The following APCDD1L variants were observed in gnomAD, a reference collection of about 807,000 sequenced individuals.
APCDD1L encodes APC down-regulated 1 like.
In APCDD1L, 21 loss-of-function variants were observed where a neutral mutation model predicts 24.2. The observed-to-expected ratio is 0.87, with a 90% confidence interval of 0.61 to 1.25. The LOEUF (loss-of-function observed/expected upper bound fraction) is 1.25. APCDD1L is among the 50% of genes most tolerant of loss of function. APCDD1L has a pLI of 0.00. For missense variants in APCDD1L, 704 were observed against 711.7 expected (o/e 0.99, Z 0.12); for synonymous variants, 321 against 323.6 (o/e 0.99, Z 0.09).
At chr20:58,496,493 G>A (rs1990325087) in intron 1 of APCDD1L, among the ~76,000 whole-genome samples, 1 of 152,258 alleles carries the variant, frequency 6.6e-6, no homozygotes, top group African/African-American at 2.4e-5. Context: ...GCCCAGCGAG[G>A]GGGCTGCCTG....
At chr20:58,479,361 C>G (rs6100080) in intron 1 of APCDD1L, among the ~76,000 whole-genome samples, 1 of 152,130 alleles carries the variant, frequency 6.6e-6, no homozygotes, top group African/African-American at 2.4e-5. Flanking sequence ...ATTTCAGGTG[C>G]CCTGTGACTA....
rs1568755369 is a variant in APCDD1L, at chr20:58,509,019, G to GT, written c.49+5639_49+5640insA. ...GTGTGTGTGTGTGTGTGTGTGTGTG[G>GT]AGTCAACGAGTCAATTTTAGCCTTC... On this transcript the variant is annotated intron_variant, in intron 1 of 3. Coordinates refer to ENST00000371149, the MANE Select transcript of APCDD1L (RefSeq NM_153360.3). Among the ~76,000 whole-genome samples the GT allele has an allele frequency of 5.4e-5, 7 of 129,714 alleles. No individual in the cohort carries two copies. In the East Asian group the frequency reaches 7.0e-4, roughly 13 times the overall value. 85.1% of individuals were successfully genotyped at this position (129,714 alleles called of 152,430 possible).
At chr20:58,479,572 T>C (rs904340589) in intron 1 of APCDD1L, among the ~76,000 whole-genome samples, 1 of 151,302 alleles carries the variant, frequency 6.6e-6, no homozygotes, top group Non-Finnish European at 1.5e-5. Context: ...TTTTATATAC[T>C]GAGGTTTGGA....
chr20:58,461,644 T>A lies in APCDD1L; in HGVS notation c.742-90A>T, dbSNP rs1489176494. On this transcript the variant is annotated intron_variant, in intron 3 of 3. Coordinates refer to ENST00000371149, the MANE Select transcript of APCDD1L (RefSeq NM_153360.3). This position sits in a 1 kb window ranked among gnomAD's most constrained non-coding sequence, Gnocchi z 6.0. ...AAGGAACCCCAGCTCTGTAGGGGTG[T>A]CAAGGCAGGGTGAGGTGCGGCCTGT... The A allele has an allele frequency of 7.7e-7, 1 of 1,290,980 alleles. No individual in the cohort carries two copies. The highest frequency in any genetic ancestry group is 1.5e-5 in the African/African-American group (1 of 66,954). The allele number at this position is 1,290,980 out of a possible 1,614,324, so 80.0% of individuals were successfully genotyped here.
At chr20:58,492,157 A>T (rs1359003458) in intron 1 of APCDD1L, among the ~76,000 whole-genome samples, 1 of 152,266 alleles carries the variant, frequency 6.6e-6, no homozygotes, top group African/African-American at 2.4e-5. Context: ...CTAGCAAAGG[A>T]TTTCTTAAAA....
intron 1 of APCDD1L, among the ~76,000 whole-genome samples, chr20:58,511,351 T>G (rs1367466681): frequency 1.3e-5 from 2 of 152,246 alleles, no homozygotes; most frequent in African/African-American, 4.8e-5. Context: ...TTGATCTTCA[T>G]TTTCCAGGCT....
intron 3 of APCDD1L, among the ~76,000 whole-genome samples, chr20:58,466,748 C>T (rs6026291): frequency 0.039 from 5,981 of 152,108 alleles, 306 homozygotes; most frequent in African/African-American, 0.12. Flanking sequence ...GGGACTGGAG[C>T]GGATATTTCA....
At chr20:58,484,910 A>T (rs1171233059) in intron 1 of APCDD1L, among the ~76,000 whole-genome samples, 1 of 151,344 alleles carries the variant, frequency 6.6e-6, no homozygotes, top group Non-Finnish European at 1.5e-5. Context: ...TTCCTTGTGC[A>T]TCCTCCCAGA....
Position 58,467,119 on chromosome 20 carries a change from A to G in APCDD1L, c.728T>C (p.Leu243Pro). 1 of 1,606,290 alleles carries G rather than the reference A, an allele frequency of 6.2e-7. No individual in the cohort carries two copies. Among genetic ancestry groups the G allele is most frequent in the Non-Finnish European group, 8.5e-7 (1 of 1,178,826 alleles). The change falls in exon 3 of 4, where the codon CTG becomes CCG. Residue 243 changes from leucine (L) to proline (P), a missense_variant. Transcript: ENST00000371149. The surrounding 1 kb of genome is among the most constrained non-coding windows in gnomAD (Gnocchi z 5.9). ...ACACACACTCACCAGTGCGCTCTGC[A>G]GCGGGCGCTGGTAGCCCGTGGGCCG... ...HYRPTGYQRPLQSALHHVQPC... is the reference protein window; with the variant it reads ...HYRPTGYQRPPQSALHHVQPC...
rs990475095 is a variant in APCDD1L, at chr20:58,497,146, G to C, written c.49+17513C>G. Among the ~76,000 whole-genome samples, 1 of 151,962 alleles carries C rather than the reference G, an allele frequency of 6.6e-6. No individual in the cohort carries two copies. Among genetic ancestry groups the C allele is most frequent in the African/African-American group, 2.4e-5 (1 of 41,362 alleles). On this transcript the variant is annotated intron_variant, in intron 1 of 3. Transcript: ENST00000371149. This position sits in a 1 kb window ranked among gnomAD's most constrained non-coding sequence, Gnocchi z 4.3. ...GTGGACACCAGAGGTCACAAGATGG[G>C]GGATGAGGAGGGGGTTGGCGGGAGT...
chr20:58,492,973 G>A (rs538853591), intron 1 of APCDD1L, among the ~76,000 whole-genome samples: 1 of 134,642 alleles, frequency 7.4e-6, no homozygotes, highest in South Asian at 2.4e-4. Context: ...ACATACACAT[G>A]CACTCACACA....
intron 1 of APCDD1L, among the ~76,000 whole-genome samples, chr20:58,506,259 AC>A (rs1050477679): frequency 6.6e-6 from 1 of 151,828 alleles, no homozygotes; most frequent in Non-Finnish European, 1.5e-5. Context: ...CCTTCTGTAT[AC>A]CCCCATCTTC....
intron 1 of APCDD1L, among the ~76,000 whole-genome samples, chr20:58,495,836 G>A (rs1990311283): frequency 6.6e-6 from 1 of 152,138 alleles, no homozygotes; most frequent in African/African-American, 2.4e-5. Flanking sequence ...GTCCCCACAT[G>A]CCCTTGTCTC....
At chr20:58,483,032 G>C (rs6064659) in intron 1 of APCDD1L, among the ~76,000 whole-genome samples, 83,560 of 152,016 alleles carry the variant, frequency 0.55, 23,411 homozygotes, top group East Asian at 0.65. Context: ...AAAGGGAACT[G>C]AAAGAGAAGA....
intron 1 of APCDD1L, among the ~76,000 whole-genome samples, chr20:58,473,957 G>A (rs1240164017): frequency 1.3e-5 from 2 of 152,202 alleles, no homozygotes; most frequent in African/African-American, 2.4e-5. Context: ...CCTGCTTGAG[G>A]CCGATGTGTT....
chr20:58,470,854 C>G, intron 1 of APCDD1L, 107 bp from the exon 2 acceptor site: 2 of 1,418,270 alleles, frequency 1.4e-6, no homozygotes, highest in Non-Finnish European at 9.3e-7. Context: ...CAGGGCTGTC[C>G]CGCAACCTCC....
chr20:58,500,751 C>A (rs770368792), intron 1 of APCDD1L, among the ~76,000 whole-genome samples: 2 of 152,166 alleles, frequency 1.3e-5, no homozygotes, highest in African/African-American at 4.8e-5. Context: ...CCAGGCCACA[C>A]CTTTGACTAC....
chr20:58,473,344 T>G (rs9679861), intron 1 of APCDD1L, among the ~76,000 whole-genome samples: 5 of 152,182 alleles, frequency 3.3e-5, no homozygotes, highest in Non-Finnish European at 7.3e-5. Context: ...GTTTATCTTG[T>G]TTTTCTGTGA....
chr20:58,490,586 C>G (rs535953585), intron 1 of APCDD1L, among the ~76,000 whole-genome samples: 2 of 152,362 alleles, frequency 1.3e-5, no homozygotes, highest in South Asian at 4.1e-4. Flanking sequence ...CCAGCGGTCA[C>G]TTCAACATTC....
Sources: allele counts gnomAD v4.1 joint callset (sites outside exome capture counted in the v4.1 genomes callset), GRCh38; gene constraint gnomAD v4.1.1; non-coding constraint Gnocchi (gnomAD v3.1); transcripts MANE v1.5; gene names NCBI Gene and HGNC (gene_info 2026-07-23, HGNC 2026-07-21).